Variants in DDX25 observed in about 807,000 individuals in gnomAD.
DDX25 encodes DEAD-box helicase 25, also known as ATP-dependent RNA helicase DDX25.
DDX25 carries 70 observed loss-of-function variants against 64.6 expected under a neutral mutation model. The observed-to-expected ratio is 1.08, with a 90% confidence interval of 0.89 to 1.32. The LOEUF (loss-of-function observed/expected upper bound fraction) is 1.32. Ranked by LOEUF, DDX25 falls within the 40% of genes most tolerant of loss-of-function variation. The probability of loss-of-function intolerance (pLI) is 0.00; values close to 1 mark genes in which losing one functional copy is unlikely to be tolerated. For missense variants in DDX25, 587 were observed against 604.4 expected (o/e 0.97, Z 0.30); for synonymous variants, 211 against 213.3 (o/e 0.99, Z 0.09).
At chr11:125,904,625 T>C (rs1178684450) in intron 1 of DDX25, 45 bp downstream of exon 1, 1 of 1,407,766 alleles carries the variant, frequency 7.1e-7, no homozygotes, top group Non-Finnish European at 9.3e-7. Context: ...GGGGTGGAGC[T>C]CCCACTCGCA....
chr11:125,907,476 CG>C (rs760732856), intron 4 of DDX25, among the ~76,000 whole-genome samples: 64 of 152,032 alleles, frequency 4.2e-4, no homozygotes, highest in Non-Finnish European at 6.8e-4. Flanking sequence ...GGTGTGGTGG[CG>C]GGCGCCTGTA....
Position 125,908,446 on chromosome 11 carries a change from A to G in DDX25, c.450A>G (p.Thr150=), listed in dbSNP as rs1469026254. The G allele has an allele frequency of 1.2e-6, 2 of 1,613,912 alleles. No homozygotes were observed. Among genetic ancestry groups the G allele is most frequent in the African/African-American group, 2.7e-5 (2 of 74,934 alleles). Residue 150 remains threonine (T), a synonymous_variant, in exon 6 of 12, where the codon ACA becomes ACG. Coordinates refer to ENST00000263576, the MANE Select transcript of DDX25 (RefSeq NM_013264.5). ...IAQSQSGTGK[T]AAFVLAMLSR... ...AGAGCCAGTCTGGAACAGGAAAGAC[A>G]GCGGCATTTGTGTTGGCAATGTTAA...
In DDX25 at chr11:125,927,694, T is replaced by C. The variant is rs1281116642; in HGVS notation, c.*4813T>C. ...CTTTCTGTTATATTCGGAGGTAACA[T>C]GTATAGGTCATGTATAATGGCCTCA... On this transcript the variant is annotated 3_prime_UTR_variant, in exon 12 of 12. Transcript: ENST00000263576. The C allele has an allele frequency of 1.3e-5, 2 of 152,188 alleles. No individual in the cohort carries two copies. The highest frequency in any genetic ancestry group is 2.9e-5 in the Non-Finnish European group (2 of 68,044). The allele number at this position is 152,188 out of a possible 1,614,324, so 9.4% of individuals were successfully genotyped here. A position where few individuals can be genotyped will look rare whatever the true frequency, so the allele number is the denominator to read the frequency against.
intron 9 of DDX25, 85 bp from the exon 10 acceptor site, chr11:125,918,542 CG>C: frequency 2.0e-6 from 3 of 1,514,514 alleles, no homozygotes; most frequent in Non-Finnish European, 2.7e-6. Flanking sequence ...CTCCCACCCC[CG>C]CCCTGCATGC....
intron 1 of DDX25, 51 bp downstream of exon 1, chr11:125,904,631 T>G: frequency 7.1e-7 from 1 of 1,413,324 alleles, no homozygotes; most frequent in Non-Finnish European, 9.3e-7. Context: ...GAGCTCCCAC[T>G]CGCAGAGGGA....
chr11:125,918,659 A>T lies in DDX25; in HGVS notation c.1070A>T (p.Glu357Val). 2.5e-6 allele frequency: 4 copies of T among 1,613,742 alleles called. No individual in the cohort carries two copies. Among genetic ancestry groups the T allele is most frequent in the Non-Finnish European group, 3.4e-6 (4 of 1,179,852 alleles). Residue 357 changes from glutamate (E) to valine (V), a missense_variant, in exon 10 of 12, where the codon GAG (glutamate) becomes GTG (valine). Transcript: ENST00000263576. ...TRRNAKWLTV[E>V]MIQDGHQVSL... ...CGAAACGCTAAGTGGTTGACCGTGGAGATGATACAGGATGGCCACCAGGTG... is the reference window on the plus strand; with the variant it reads ...CGAAACGCTAAGTGGTTGACCGTGGTGATGATACAGGATGGCCACCAGGTG...
intron 4 of DDX25, among the ~76,000 whole-genome samples, chr11:125,907,466 G>A (rs933663351): frequency 6.6e-6 from 1 of 152,038 alleles, no homozygotes; most frequent in African/African-American, 2.4e-5. Context: ...AAATTAGCCA[G>A]GTGTGGTGGC....
At chr11:125,911,245 C>A in intron 7 of DDX25, 66 bp from the exon 8 acceptor site, 1 of 1,473,096 alleles carries the variant, frequency 6.8e-7, no homozygotes, top group Non-Finnish European at 9.1e-7. Flanking sequence ...TATTGCACTG[C>A]CCTGAACTGT....
chr11:125,912,896 G>A (rs559867741), intron 8 of DDX25, among the ~76,000 whole-genome samples: 81 of 152,146 alleles, frequency 5.3e-4, no homozygotes, highest in South Asian at 1.5e-3. Context: ...GGTGGCTCAC[G>A]CCAGTAGTCC....
At position 125,913,005 on chromosome 11, in the gene DDX25, A is replaced by C. The variant is rs531738225; in HGVS notation, c.800+1517A>C. 1.9e-3 allele frequency among the ~76,000 whole-genome samples: 292 copies of C among 152,076 alleles called. 2 individuals carry two copies. Among genetic ancestry groups the C allele is most frequent in the African/African-American group, 6.8e-3 (282 of 41,490 alleles). ...ACCCCATCTCTACTAAAAATACAAAAAAATTAGCTGGGCATGGTGGCAGAC... is the reference window on the plus strand; with the variant it reads ...ACCCCATCTCTACTAAAAATACAAACAAATTAGCTGGGCATGGTGGCAGAC... On this transcript the variant is annotated intron_variant, in intron 8 of 11. Transcript: ENST00000263576.
At chr11:125,910,182 A>G (rs1330018679) in intron 6 of DDX25, among the ~76,000 whole-genome samples, 182 bp from the exon 7 acceptor site, 2 of 152,094 alleles carry the variant, frequency 1.3e-5, no homozygotes, top group Non-Finnish European at 2.9e-5. Context: ...TCCCCTTCTC[A>G]TACTCAACAT....
At chr11:125,917,342 T>C in intron 9 of DDX25, 91 bp downstream of exon 9, 1 of 1,178,914 alleles carries the variant, frequency 8.5e-7, no homozygotes, top group South Asian at 1.4e-5. Flanking sequence ...CCAGGCACCA[T>C]GTTCAGCACT....
chr11:125,925,120 T>C lies in DDX25; in HGVS notation c.*2239T>C, dbSNP rs1466823387. 1.4e-5 allele frequency: 3 copies of C among 211,530 alleles called. No homozygotes were observed. The highest frequency in any genetic ancestry group is 6.9e-5 in the African/African-American group (3 of 43,490). 13.1% of individuals were successfully genotyped at this position (211,530 alleles called of 1,614,324 possible). A position where few individuals can be genotyped will look rare whatever the true frequency, so the allele number is the denominator to read the frequency against. On this transcript the variant is annotated 3_prime_UTR_variant, in exon 12 of 12. Transcript: ENST00000263576. ...GCATGAGAAGTGTATCCAGATACTTTGTTCTCTTACTATTCGAGAATCGAG... is the reference window on the plus strand; with the variant it reads ...GCATGAGAAGTGTATCCAGATACTTCGTTCTCTTACTATTCGAGAATCGAG...
chr11:125,905,973 A>T (rs904909951), intron 3 of DDX25, 101 bp from the exon 4 acceptor site: 8 of 1,375,524 alleles, frequency 5.8e-6, no homozygotes, highest in Non-Finnish European at 7.7e-6. Flanking sequence ...AAATGAGCGT[A>T]GGTGCAATTG....
rs1945157277 is a variant in DDX25, at chr11:125,925,264, A to T, written c.*2383A>T. 2.7e-6 allele frequency: 1 copy of T among 370,558 alleles called. No individual in the cohort carries two copies. Among genetic ancestry groups the T allele is most frequent in the Non-Finnish European group, 5.5e-6 (1 of 181,942 alleles). 23.0% of individuals were successfully genotyped at this position (370,558 alleles called of 1,614,324 possible). On this transcript the variant is annotated 3_prime_UTR_variant, in exon 12 of 12. Coordinates refer to ENST00000263576, the MANE Select transcript of DDX25 (RefSeq NM_013264.5). ...GCCAGTTACCCTCACAAATGTCCTC[A>T]GTAATTTTTGTTTGGCAGCTGTTCC...
chr11:125,905,222 T>G lies in DDX25; in HGVS notation c.74T>G (p.Leu25Arg), dbSNP rs1199969981. Reference protein sequence around the residue: ...SERLNSHFSNLSQPRKNLWGI... With the variant: ...SERLNSHFSNRSQPRKNLWGI... Reference sequence around the variant, plus strand: ...TGTGTCTCTCAATAGTTTTCAAACCTCAGCCAACCCCGGAAGAACCTTTGG... The same window carrying G: ...TGTGTCTCTCAATAGTTTTCAAACCGCAGCCAACCCCGGAAGAACCTTTGG... Residue 25 changes from leucine (L) to arginine (R), a missense_variant, in exon 2 of 12, where the codon CTC (leucine) becomes CGC (arginine). Leu to Arg is a moderately radical substitution (Grantham distance 102). Transcript: ENST00000263576. 6 of 1,551,676 alleles carry G rather than the reference T, an allele frequency of 3.9e-6. No homozygotes were observed. Among genetic ancestry groups the G allele is most frequent in the South Asian group, 1.2e-5 (1 of 84,052 alleles).
intron 6 of DDX25, among the ~76,000 whole-genome samples, chr11:125,909,651 C>CT (rs1288646992): frequency 1.2e-3 from 168 of 139,954 alleles, no homozygotes; most frequent in East Asian, 2.9e-3. Context: ...AATAGGCAGT[C>CT]TTTTTTTTTT....
At chr11:125,905,946 A>G (rs1185449265) in intron 3 of DDX25, 128 bp from the exon 4 acceptor site, 6 of 1,200,340 alleles carry the variant, frequency 5.0e-6, no homozygotes, top group Non-Finnish European at 6.8e-6. Context: ...TCTTTCTGGA[A>G]CCCTCTTTTA....
rs1271879286 is a variant in DDX25, at chr11:125,904,528, T to C, written c.11T>C (p.Leu4Ser). 24 of 1,495,426 alleles carry C rather than the reference T, an allele frequency of 1.6e-5. No homozygotes were observed. In the East Asian group the frequency reaches 5.7e-4, roughly 35 times the overall value. The allele number at this position is 1,495,426 out of a possible 1,614,324, so 92.6% of individuals were successfully genotyped here. ...GCAGCAATCGCAGCCATGGCGTCGT[T>C]ACTGTGGGGAGGCGACGCAGGGGCG... MAS[L>S]LWGGDAGAAE... The change falls in exon 1 of 12, where the codon TTA (leucine) becomes TCA (serine). Residue 4 changes from leucine (L) to serine (S), a missense_variant. Transcript: ENST00000263576.
Sources: allele counts gnomAD v4.1 joint callset (sites outside exome capture counted in the v4.1 genomes callset), GRCh38; gene constraint gnomAD v4.1.1; transcripts MANE v1.5; gene names NCBI Gene and HGNC (gene_info 2026-07-23, HGNC 2026-07-21).